The following ADGRV1 variants were observed in gnomAD, a reference collection of about 807,000 sequenced individuals.
The protein encoded by ADGRV1 is adhesion G protein-coupled receptor V1.
Under a neutral mutation model 596.2 loss-of-function variants are expected in ADGRV1, and 359 were observed. The ratio of observed to expected loss-of-function variants is 0.60; its 90% CI spans 0.55 to 0.66. ADGRV1 has a LOEUF of 0.66. Ranked by LOEUF, ADGRV1 falls within the 30% of genes least tolerant of loss-of-function variation. The probability of loss-of-function intolerance (pLI) is 0.00; values close to 1 mark genes in which losing one functional copy is unlikely to be tolerated. For synonymous variants in ADGRV1, 2,681 were observed against 2,679.2 expected, an observed-to-expected ratio of 1.00 and a Z score of -0.02; for missense variants, 7,274 against 7,575.6, an observed-to-expected ratio of 0.96 and a Z score of 1.48.
Position 90,658,071 on chromosome 5 carries a change from G to C in ADGRV1, c.4545G>C (p.Glu1515Asp), listed in dbSNP as rs1471591330. The C allele has an allele frequency of 3.3e-5, 54 of 1,613,832 alleles. No homozygotes were observed. The highest frequency in any genetic ancestry group is 4.2e-5 in the Non-Finnish European group (50 of 1,179,854). ...TACACCCAATTTCTGGATATCTGGA[G>C]TTCAGACAGGGAGAAACTAACAAAT... is the stretch of plus-strand genomic sequence containing the variant. ...SDLHPISGYL[E>D]FRQGETNKSF... Residue 1515 changes from glutamate to aspartate, a missense_variant, in exon 21 of 90, where the codon GAG (glutamate) becomes GAC (aspartate). Physicochemically the swap from Glu to Asp is conservative, Grantham distance 45 (BLOSUM62 2). Transcript: ENST00000405460.
chr5:90,949,708 A>G (rs1198439034), intron 83 of ADGRV1, among the ~76,000 whole-genome samples: 1 of 152,216 alleles, frequency 6.6e-6, no homozygotes, highest in Non-Finnish European at 1.5e-5. Context: ...AGATTTGGTT[A>G]GAGTCTAATG....
At chr5:90,889,407 C>T (rs146416549) in intron 83 of ADGRV1, among the ~76,000 whole-genome samples, 11 of 152,166 alleles carry the variant, frequency 7.2e-5, no homozygotes, top group African/African-American at 2.6e-4. Context: ...ATAGAGAAGA[C>T]TTATTCAGGG....
At chr5:90,603,706 G>A (rs374880611) in intron 1 of ADGRV1, among the ~76,000 whole-genome samples, 1 of 152,020 alleles carries the variant, frequency 6.6e-6, no homozygotes, top group East Asian at 2.0e-4. Flanking sequence ...TGCTTTGGAG[G>A]TGACTTGGGG....
At chr5:90,969,492 G>A (rs1332413826) in intron 84 of ADGRV1, among the ~76,000 whole-genome samples, 1 of 152,196 alleles carries the variant, frequency 6.6e-6, no homozygotes, top group African/African-American at 2.4e-5. Context: ...GTAGATGCAT[G>A]GCTCATAACA....
At chr5:91,041,789 A>G (rs1785384486) in intron 85 of ADGRV1, among the ~76,000 whole-genome samples, 1 of 152,144 alleles carries the variant, frequency 6.6e-6, no homozygotes, top group African/African-American at 2.4e-5. Context: ...ATTAATTTCA[A>G]TTGGTCAATA....
At chr5:90,699,716 G>T (rs147077985) in intron 34 of ADGRV1, among the ~76,000 whole-genome samples, 10 of 152,166 alleles carry the variant, frequency 6.6e-5, no homozygotes, top group Admixed American at 1.3e-4. Context: ...AGGCCCTCCT[G>T]CTGGGTACCA....
At chr5:90,580,105 A>G (rs910368465) in intron 1 of ADGRV1, among the ~76,000 whole-genome samples, 4 of 152,160 alleles carry the variant, frequency 2.6e-5, no homozygotes. Flanking sequence ...CATTTAACCC[A>G]TTTACATTTA....
chr5:90,721,879 CTG>C (rs5869515), intron 45 of ADGRV1, among the ~76,000 whole-genome samples: 72,935 of 151,750 alleles, frequency 0.48, 18,140 homozygotes, highest in East Asian at 0.79. Flanking sequence ...AGGCAGAAAA[CTG>C]AGGCATAAAA....
intron 77 of ADGRV1, among the ~76,000 whole-genome samples, chr5:90,838,079 A>T (rs999085751): frequency 6.6e-6 from 1 of 152,166 alleles, no homozygotes; most frequent in Non-Finnish European, 1.5e-5. Flanking sequence ...TGAACTATCC[A>T]TGCTGATGTG....
chr5:91,144,157 G>A (rs866708324), intron 87 of ADGRV1, among the ~76,000 whole-genome samples: 11 of 152,106 alleles, frequency 7.2e-5, no homozygotes, highest in South Asian at 4.1e-4. Context: ...AGTGGCACCT[G>A]CCTGCTGCCA....
intron 85 of ADGRV1, among the ~76,000 whole-genome samples, chr5:91,007,454 T>C (rs1782371942): frequency 6.6e-6 from 1 of 152,180 alleles, no homozygotes; most frequent in Non-Finnish European, 1.5e-5. Flanking sequence ...CTACTGCCTC[T>C]TGTGGTCACG....
intron 45 of ADGRV1, among the ~76,000 whole-genome samples, chr5:90,724,288 G>C (rs961438861): frequency 3.3e-5 from 5 of 152,030 alleles, no homozygotes; most frequent in Non-Finnish European, 7.4e-5. Context: ...GGAGTGCAGT[G>C]GCACTATCTC....
chr5:91,101,207 G>GA (rs544027632), intron 86 of ADGRV1, among the ~76,000 whole-genome samples: 12 of 151,096 alleles, frequency 7.9e-5, no homozygotes, highest in South Asian at 6.3e-4. Flanking sequence ...TTAATTCAGG[G>GA]AAAAAAAAAC....
At chr5:90,866,182 G>A (rs980059065) in intron 83 of ADGRV1, among the ~76,000 whole-genome samples, 7 of 151,972 alleles carry the variant, frequency 4.6e-5, no homozygotes, top group Non-Finnish European at 7.4e-5. Context: ...GGTAGTCCTG[G>A]ACTTCCTTTT....
chr5:90,628,527 A>C (rs370606469), intron 7 of ADGRV1, 35 bp from the exon 8 acceptor site: 1 of 1,571,334 alleles, frequency 6.4e-7, no homozygotes, highest in Non-Finnish European at 8.7e-7. Flanking sequence ...AAAGTGTACT[A>C]TGTGACAATA....
At chr5:90,576,644 G>A (rs1442981165) in intron 1 of ADGRV1, among the ~76,000 whole-genome samples, 2 of 152,162 alleles carry the variant, frequency 1.3e-5, no homozygotes. Flanking sequence ...TGGGATCACT[G>A]GGTCAAATGG....
At position 90,627,917 on chromosome 5, in the gene ADGRV1, G is replaced by GACACAC. The variant is rs3041948; in HGVS notation, c.1238+181_1238+186dup. 0.15 allele frequency: 34,094 copies of GACACAC among 228,804 alleles called. 2,681 individuals carry two copies. Among genetic ancestry groups the GACACAC allele is most frequent in the Admixed American group, 0.19 (3,032 of 15,776 alleles). 14.2% of individuals were successfully genotyped at this position (228,804 alleles called of 1,614,324 possible). On this transcript the variant is annotated intron_variant, in intron 7 of 89. Coordinates refer to ENST00000405460, the MANE Select transcript of ADGRV1 (RefSeq NM_032119.4). ...AAAGTTTCATGACAAACTCAGAAAA[G>GACACAC]ACACACACACACACACACACACACA...
intron 85 of ADGRV1, among the ~76,000 whole-genome samples, chr5:91,004,354 A>G (rs1221674120): frequency 2.0e-5 from 3 of 152,334 alleles, no homozygotes; most frequent in East Asian, 3.9e-4. Context: ...AATCTAATTT[A>G]TAAATCTCAA....
At chr5:91,091,956 ATCAGATATCTGGGCTTC>A (rs988669319) in intron 86 of ADGRV1, among the ~76,000 whole-genome samples, 34 of 152,308 alleles carry the variant, frequency 2.2e-4, no homozygotes, top group African/African-American at 7.7e-4. Flanking sequence ...ATAATGTCTA[ATCAGATATCTGGGCTTC>A]CTTTAACCCA....
Sources: gnomAD v4.1 joint callset for allele counts (sites outside exome capture counted in the v4.1 genomes callset) on GRCh38, gnomAD v4.1.1 for gene constraint, MANE v1.5 for transcripts, NCBI Gene and HGNC (gene_info 2026-07-23, HGNC 2026-07-21) for gene names.